FOXK1: variants seen among roughly 807,000 people sequenced by gnomAD.
FOXK1 encodes forkhead box protein K1.
A neutral mutation model predicts 51.9 loss-of-function variants in FOXK1; 19 were observed. The ratio of observed to expected loss-of-function variants is 0.37; its 90% CI spans 0.26 to 0.54. FOXK1 has a LOEUF of 0.54. Among genes scored for constraint, FOXK1 ranks in the 20% least tolerant of loss-of-function variants. The pLI is 0.87. For synonymous variants in FOXK1, 537 were observed against 482.6 expected (o/e 1.11, Z -1.48); for missense variants, 870 against 1,032.7 (o/e 0.84, Z 2.16).
chr7:4,687,373 ACCT>A (rs1779834175), intron 1 of FOXK1, among the ~76,000 whole-genome samples: 1 of 150,572 alleles, frequency 6.6e-6, no homozygotes, highest in South Asian at 2.1e-4. Flanking sequence ...GCTCACTGAA[ACCT>A]CCGCCTCCCA....
rs537438195 is a variant in FOXK1 at position 4,755,465 on chromosome 7, C to A, written c.1050+82C>A. The A allele has an allele frequency of 1.9e-5, 29 of 1,549,036 alleles. No individual in the cohort carries two copies. The East Asian group carries it at 6.1e-4, about 33-fold the overall frequency. On this transcript the variant is annotated intron_variant, in intron 4 of 8. Transcript: ENST00000328914. The surrounding 1 kb of genome is among the most constrained non-coding windows in gnomAD (Gnocchi z 6.6). The stretch of plus-strand genomic sequence containing the variant: ...CACAGGCATATTGCTTCCCTTAAAA[C>A]AGAAGAGGGCCAGTGAGGGGGCTCA...
intron 2 of FOXK1, among the ~76,000 whole-genome samples, chr7:4,746,379 C>T (rs1217001537): frequency 6.6e-6 from 1 of 152,114 alleles, no homozygotes; most frequent in East Asian, 1.9e-4. Flanking sequence ...TGGTAGCTTC[C>T]TGCAGGGTGA....
intron 1 of FOXK1, among the ~76,000 whole-genome samples, chr7:4,714,827 G>A (rs1160017370): frequency 6.6e-6 from 1 of 152,130 alleles, no homozygotes; most frequent in Non-Finnish European, 1.5e-5. Context: ...CCAGCGTCTT[G>A]CAAAGGAAGG....
chr7:4,757,336 A>T, intron 5 of FOXK1, 149 bp downstream of exon 5: 4 of 686,310 alleles, frequency 5.8e-6, no homozygotes, highest in Non-Finnish European at 9.2e-6. Context: ...AAAATATTCC[A>T]AAAAAAAGAA....
In FOXK1 at chr7:4,747,378, G is replaced by A. The variant is rs111528568; in HGVS notation, c.746+6355G>A. ...TCCGCTCAAGCACCCACTCAGCTCT[G>A]TGAGGTCTATGCCTAACATGAGAGC... On this transcript the variant is annotated intron_variant, in intron 2 of 8. Transcript: ENST00000328914. The surrounding 1 kb of genome is among the most constrained non-coding windows in gnomAD (Gnocchi z 9.2). Among the ~76,000 whole-genome samples, 5,168 of 152,308 alleles carry A rather than the reference G, an allele frequency of 0.034. 316 individuals carry two copies. Among genetic ancestry groups the A allele is most frequent in the African/African-American group, 0.12 (4,925 of 41,540 alleles).
chr7:4,725,616 C>T (rs142182695), intron 1 of FOXK1, among the ~76,000 whole-genome samples: 5,801 of 152,366 alleles, frequency 0.038, 191 homozygotes, highest in Middle Eastern at 0.092. Flanking sequence ...GCCCATGCTC[C>T]GGGCGTGTGG....
chr7:4,762,699 T>C lies in FOXK1; in HGVS notation c.*235T>C, dbSNP rs1222474137. 1.8e-6 allele frequency: 1 copy of C among 548,472 alleles called. No individual in the cohort carries two copies. The highest frequency in any genetic ancestry group is 3.1e-5 in the Admixed American group (1 of 31,854). The allele number at this position is 548,472 out of a possible 1,614,324, so 34.0% of individuals were successfully genotyped here. A position where few individuals can be genotyped will look rare whatever the true frequency, so the allele number is the denominator to read the frequency against. On this transcript the variant is annotated 3_prime_UTR_variant, in exon 9 of 9. Coordinates refer to ENST00000328914, the MANE Select transcript of FOXK1 (RefSeq NM_001037165.2). This position sits in a 1 kb window ranked among gnomAD's most constrained non-coding sequence, Gnocchi z 5.7. ...TGATTGTATGATTCTGGGAATTCTT[T>C]GCTTTCCTTTCCTTCTCCCTCGGCA...
rs756307100 is a variant in FOXK1 at position 4,762,437 on chromosome 7, C to T, written c.2175C>T (p.Gly725=). 3.9e-6 allele frequency: 6 copies of T among 1,545,154 alleles called. No homozygotes were observed. The highest frequency in any genetic ancestry group is 1.4e-5 in the African/African-American group (1 of 72,886). The change falls in exon 9 of 9, where the codon GGC becomes GGT. Residue 725 remains glycine (G), a synonymous_variant. Coordinates refer to ENST00000328914, the MANE Select transcript of FOXK1 (RefSeq NM_001037165.2). This position sits in a 1 kb window ranked among gnomAD's most constrained non-coding sequence, Gnocchi z 5.7. ...TTPAGVIAAA[G]PQGPGTGE is the part of the protein sequence containing the mutation. ...CGGCTGGAGTGATCGCAGCTGCCGG[C>T]CCCCAGGGGCCAGGCACCGGGGAGT...
At chr7:4,692,971 T>G (rs1391577430) in intron 1 of FOXK1, among the ~76,000 whole-genome samples, 2 of 152,030 alleles carry the variant, frequency 1.3e-5, no homozygotes, top group East Asian at 3.9e-4. Context: ...ACTCCTGGCC[T>G]TAAGTCATCC....
At chr7:4,732,380 C>A (rs1446154750) in intron 1 of FOXK1, among the ~76,000 whole-genome samples, 1 of 152,222 alleles carries the variant, frequency 6.6e-6, no homozygotes, top group Non-Finnish European at 1.5e-5. Flanking sequence ...GCGGCCTCCG[C>A]TGCCCAGGCT....
At chr7:4,724,504 G>A (rs1367338183) in intron 1 of FOXK1, among the ~76,000 whole-genome samples, 3 of 152,192 alleles carry the variant, frequency 2.0e-5, no homozygotes, top group Admixed American at 6.5e-5. Flanking sequence ...CCCAGAGTTC[G>A]CTTTTTCTTT....
intron 1 of FOXK1, among the ~76,000 whole-genome samples, chr7:4,713,516 G>A (rs918453315): frequency 3.3e-5 from 5 of 151,156 alleles, no homozygotes; most frequent in Non-Finnish European, 7.4e-5. Context: ...TTTTTGAGGC[G>A]GAGTCTTGCT....
Position 4,682,806 on chromosome 7 carries a change from C to G in FOXK1, c.498C>G (p.Asn166Lys). Residue 166 changes from asparagine to lysine, a missense_variant, in exon 1 of 9, where the codon AAC becomes AAG. By Grantham distance (94) the Asn-to-Lys change is moderately conservative. This residue lies in a region of FOXK1 where 399 missense variants were observed against 475.6 expected (regional missense o/e 0.84). Coordinates refer to ENST00000328914, the MANE Select transcript of FOXK1 (RefSeq NM_001037165.2). This position sits in a 1 kb window ranked among gnomAD's most constrained non-coding sequence, Gnocchi z 7.6. ...PHFYLRCLGK[N>K]GVFVDGAFQR... ...TCTACCTGCGCTGCCTCGGCAAGAA[C>G]GGCGTCTTCGTGGACGGGGCCTTCC... The G allele has an allele frequency of 6.3e-7, 1 of 1,587,122 alleles. No homozygotes were observed. Among genetic ancestry groups the G allele is most frequent in the South Asian group, 1.1e-5 (1 of 89,244 alleles).
At chr7:4,685,954 AAATG>A (rs1779812692) in intron 1 of FOXK1, among the ~76,000 whole-genome samples, 1 of 151,874 alleles carries the variant, frequency 6.6e-6, no homozygotes, top group Non-Finnish European at 1.5e-5. Flanking sequence ...ATAAAAAACA[AAATG>A]AAAAAAAAAA....
chr7:4,726,819 T>C (rs1780386989), intron 1 of FOXK1, among the ~76,000 whole-genome samples: 2 of 152,274 alleles, frequency 1.3e-5, no homozygotes, highest in African/African-American at 4.8e-5. Context: ...TCAAACTCTG[T>C]GTATTCATAC....
In FOXK1 at chr7:4,709,411, T is replaced by C. The variant is rs1195653042; in HGVS notation, c.560+26543T>C. Among the ~76,000 whole-genome samples, 2 of 152,128 alleles carry C rather than the reference T, an allele frequency of 1.3e-5. No individual in the cohort carries two copies. The highest frequency in any genetic ancestry group is 2.9e-5 in the Non-Finnish European group (2 of 68,030). ...CAGGGTCTGGACAGGGCCAGGCTCT[T>C]CCCAAGCGCACAGTCCACATAGGCT... On this transcript the variant is annotated intron_variant, in intron 1 of 8. Transcript: ENST00000328914. The surrounding 1 kb of genome is among the most constrained non-coding windows in gnomAD (Gnocchi z 5.6).
chr7:4,717,180 T>C (rs910086840), intron 1 of FOXK1, among the ~76,000 whole-genome samples: 4 of 96,682 alleles, frequency 4.1e-5, no homozygotes, highest in Non-Finnish European at 6.3e-5. Context: ...TGGTGGGAGG[T>C]GCATGACTGG....
intron 1 of FOXK1, among the ~76,000 whole-genome samples, chr7:4,724,186 G>A (rs1445246076): frequency 2.0e-5 from 3 of 151,742 alleles, no homozygotes; most frequent in African/African-American, 7.3e-5. Context: ...TGTGTTTTGG[G>A]GGTGGTTGTT....
chr7:4,692,226 G>A (rs1779902066), intron 1 of FOXK1, among the ~76,000 whole-genome samples: 1 of 152,258 alleles, frequency 6.6e-6, no homozygotes, highest in African/African-American at 2.4e-5. Context: ...TGGAATCCAT[G>A]GCTGCCTCCG....
Sources: allele counts gnomAD v4.1 joint callset (sites outside exome capture counted in the v4.1 genomes callset), GRCh38; gene constraint gnomAD v4.1.1; regional missense constraint gnomAD v4.1.1; non-coding constraint Gnocchi (gnomAD v3.1); transcripts MANE v1.5; gene names NCBI Gene and HGNC (gene_info 2026-07-23, HGNC 2026-07-21).